Variants in ZDHHC20 observed in about 807,000 individuals in gnomAD.
The protein encoded by ZDHHC20 is palmitoyltransferase ZDHHC20.
ZDHHC20 carries 43 observed loss-of-function variants against 57.8 expected under a neutral mutation model. The ratio of observed to expected loss-of-function variants is 0.74; its 90% CI spans 0.58 to 0.96. The LOEUF (loss-of-function observed/expected upper bound fraction) is 0.96, where lower values mean the gene tolerates loss of function less well. Among genes scored for constraint, ZDHHC20 ranks in the 40% least tolerant of loss-of-function variants. The pLI is 0.00. For synonymous variants in ZDHHC20, 157 were observed against 153.0 expected, an observed-to-expected ratio of 1.03 and a Z score of -0.19; for missense variants, 391 against 441.1, an observed-to-expected ratio of 0.89 and a Z score of 1.02.
chr13:21,407,566 T>C (rs1295061135), intron 4 of ZDHHC20, among the ~76,000 whole-genome samples: 1 of 152,238 alleles, frequency 6.6e-6, no homozygotes, highest in Non-Finnish European at 1.5e-5. Flanking sequence ...TCTCCCATTC[T>C]GTAGGTTGCC....
intron 7 of ZDHHC20, among the ~76,000 whole-genome samples, chr13:21,394,165 T>C (rs771792432): frequency 1.3e-5 from 2 of 152,210 alleles, no homozygotes; most frequent in African/African-American, 2.4e-5. Context: ...CTCTGTCATT[T>C]TGGCCCCCTC....
chr13:21,435,622 T>C (rs1481917516), intron 1 of ZDHHC20, among the ~76,000 whole-genome samples: 1 of 152,176 alleles, frequency 6.6e-6, no homozygotes, highest in Non-Finnish European at 1.5e-5. Flanking sequence ...GGGAGAAGGA[T>C]AATCTCTTCC....
chr13:21,444,585 G>A (rs758101215), intron 1 of ZDHHC20, among the ~76,000 whole-genome samples: 42 of 152,008 alleles, frequency 2.8e-4, no homozygotes, highest in Non-Finnish European at 4.9e-4. Context: ...TAAATTATTC[G>A]TATTGGGCCA....
chr13:21,409,520 C>G (rs1878919561), intron 4 of ZDHHC20, among the ~76,000 whole-genome samples: 1 of 152,076 alleles, frequency 6.6e-6, no homozygotes, highest in South Asian at 2.1e-4. Flanking sequence ...ATTAGTCTGG[C>G]TAGTGGTCTA....
At chr13:21,407,707 G>A (rs778896152) in intron 4 of ZDHHC20, among the ~76,000 whole-genome samples, 2 of 152,198 alleles carry the variant, frequency 1.3e-5, no homozygotes, top group Non-Finnish European at 2.9e-5. Flanking sequence ...CATATATCCT[G>A]AATGGTGTTG....
intron 3 of ZDHHC20, 61 bp from the exon 4 acceptor site, chr13:21,413,833 A>T (rs1879561651): frequency 6.9e-7 from 1 of 1,439,846 alleles, no homozygotes; most frequent in Non-Finnish European, 9.4e-7. Flanking sequence ...TATCATGCTC[A>T]GAAAAAGTTT....
intron 6 of ZDHHC20, among the ~76,000 whole-genome samples, chr13:21,401,379 G>A (rs1281028733): frequency 2.6e-5 from 4 of 152,158 alleles, no homozygotes. Flanking sequence ...GTTGAGTGGT[G>A]TCTTAATTGT....
intron 8 of ZDHHC20, among the ~76,000 whole-genome samples, chr13:21,390,926 C>A (rs1409073058): frequency 4.0e-5 from 6 of 151,254 alleles, no homozygotes; most frequent in Non-Finnish European, 8.8e-5. Context: ...AAAGAATATA[C>A]ATGAAATACA....
chr13:21,400,601 G>T (rs1172450717), intron 6 of ZDHHC20, 108 bp from the exon 7 acceptor site: 1 of 1,156,402 alleles, frequency 8.6e-7, no homozygotes. Context: ...TGGGGAAGGG[G>T]AGCTTTTTAA....
At chr13:21,427,480 C>T (rs1021567206) in intron 1 of ZDHHC20, among the ~76,000 whole-genome samples, 1 of 152,070 alleles carries the variant, frequency 6.6e-6, no homozygotes, top group African/African-American at 2.4e-5. Context: ...TAGTTTCCAG[C>T]GGTTGTCTCT....
At chr13:21,402,416 A>G (rs1877810144) in intron 5 of ZDHHC20, among the ~76,000 whole-genome samples, 1 of 152,204 alleles carries the variant, frequency 6.6e-6, no homozygotes, top group African/African-American at 2.4e-5. Context: ...AAATAACAAA[A>G]TGAGTAATCT....
chr13:21,434,377 A>T (rs1348992966), intron 1 of ZDHHC20, among the ~76,000 whole-genome samples: 1 of 152,158 alleles, frequency 6.6e-6, no homozygotes, highest in Non-Finnish European at 1.5e-5. Context: ...AGTTTGAATA[A>T]TTTTTTCATA....
intron 1 of ZDHHC20, among the ~76,000 whole-genome samples, chr13:21,435,353 T>C (rs555889209): frequency 6.6e-6 from 1 of 152,290 alleles, no homozygotes; most frequent in South Asian, 2.1e-4. Context: ...TTTATATTCA[T>C]TCTTGGTCCC....
At chr13:21,376,720 A>G in intron 12 of ZDHHC20, 65 bp from the exon 13 acceptor site, 1 of 1,113,842 alleles carries the variant, frequency 9.0e-7, no homozygotes, top group Non-Finnish European at 1.3e-6. Context: ...TATTTACTAA[A>G]TGGTTCTGTG....
At chr13:21,409,449 G>A (rs1340197542) in intron 4 of ZDHHC20, among the ~76,000 whole-genome samples, 1 of 152,140 alleles carries the variant, frequency 6.6e-6, no homozygotes, top group Non-Finnish European at 1.5e-5. Context: ...GGGATCAGTG[G>A]TGATATCCCC....
intron 7 of ZDHHC20, among the ~76,000 whole-genome samples, chr13:21,398,537 C>T (rs117841943): frequency 1.3e-5 from 2 of 151,968 alleles, no homozygotes; most frequent in African/African-American, 4.8e-5. Context: ...AGCTTAGATT[C>T]TGGCAAATAA....
rs1421990205 is a variant in ZDHHC20 at position 21,383,005 on chromosome 13, C to A, written c.859G>T (p.Gly287Cys). 6.4e-7 allele frequency: 1 copy of A among 1,557,176 alleles called. No homozygotes were observed. The highest frequency in any genetic ancestry group is 2.4e-5 in the East Asian group (1 of 41,572). ...CGAGTTGGAAAACTGCAACCATCAC[C>A]CAAGCTGCATAATGAAAAAGAGTAA... is the stretch of plus-strand genomic sequence containing the variant. ...YWLLPIFSSL[G>C]DGCSFPTRLV... The change falls in exon 10 of 13, where the codon GGT becomes TGT. Residue 287 changes from glycine to cysteine, a missense_variant. Physicochemically the swap from Gly to Cys is radical, Grantham distance 159. Around this residue, in one of 3 missense-constraint regions of ZDHHC20, gnomAD observed 197 missense variants for 220.8 expected, o/e 0.89. Transcript: ENST00000400590.
Position 21,376,390 on chromosome 13 carries a change from T to A in ZDHHC20, c.*306A>T, listed in dbSNP as rs192673750. ...CATGTTAAAATGTGATGACAGCTCATATTATAGCAACTCATAACAGGTAAG... is the reference window on the plus strand; with the variant it reads ...CATGTTAAAATGTGATGACAGCTCAAATTATAGCAACTCATAACAGGTAAG... On this transcript the variant is annotated 3_prime_UTR_variant, in exon 13 of 13. Coordinates refer to ENST00000400590, the MANE Select transcript of ZDHHC20 (RefSeq NM_001330059.2). The A allele has an allele frequency of 7.6e-6, 2 of 263,626 alleles. No individual in the cohort carries two copies. Among genetic ancestry groups the A allele is most frequent in the Admixed American group, 1.1e-4 (2 of 18,344 alleles). The allele number at this position is 263,626 out of a possible 1,614,324, so 16.3% of individuals were successfully genotyped here. A position where few individuals can be genotyped will look rare whatever the true frequency, so the allele number is the denominator to read the frequency against.
intron 9 of ZDHHC20, among the ~76,000 whole-genome samples, chr13:21,386,841 G>A (rs958150061): frequency 3.2e-4 from 48 of 152,228 alleles, no homozygotes; most frequent in African/African-American, 1.2e-3. Flanking sequence ...GACCCACTGT[G>A]TCTGGCTAAT....
Sources: allele counts gnomAD v4.1 joint callset (sites outside exome capture counted in the v4.1 genomes callset), GRCh38; gene constraint gnomAD v4.1.1; regional missense constraint gnomAD v4.1.1; transcripts MANE v1.5; gene names NCBI Gene and HGNC (gene_info 2026-07-23, HGNC 2026-07-21).